FSTL4: variants seen among roughly 807,000 people sequenced by gnomAD.
The protein encoded by FSTL4 is follistatin-related protein 4.
FSTL4 carries 28 observed loss-of-function variants against 78.2 expected under a neutral mutation model. The ratio of observed to expected loss-of-function variants is 0.36; its 90% CI spans 0.27 to 0.49. The LOEUF (loss-of-function observed/expected upper bound fraction) is 0.49, where lower values mean the gene tolerates loss of function less well. FSTL4 is among the 20% of genes least tolerant of loss of function. The pLI is 0.98. For missense variants in FSTL4, 922 were observed against 1,084.9 expected (o/e 0.85, Z 2.11); for synonymous variants, 422 against 440.5 (o/e 0.96, Z 0.53).
chr5:133,737,516 A>C, the FSTL4 span, among the ~76,000 whole-genome samples: 2 of 151,998 alleles, frequency 1.3e-5, no homozygotes, highest in African/African-American at 4.8e-5. Flanking sequence ...GTTGATGGAC[A>C]CTTAGGCTGC....
chr5:133,454,917 G>C (rs1046786228), intron 3 of FSTL4, among the ~76,000 whole-genome samples: 1 of 152,208 alleles, frequency 6.6e-6, no homozygotes, highest in African/African-American at 2.4e-5. Context: ...TTTCATTTTA[G>C]AGTTTTCTCT....
the FSTL4 span, among the ~76,000 whole-genome samples, chr5:133,752,989 T>C: frequency 6.6e-6 from 1 of 152,216 alleles, no homozygotes; most frequent in East Asian, 1.9e-4. Flanking sequence ...TCTCATACTA[T>C]TTTGATTCTA....
intron 6 of FSTL4, among the ~76,000 whole-genome samples, chr5:133,251,341 A>G (rs1284617263): frequency 3.3e-5 from 5 of 152,142 alleles, no homozygotes; most frequent in Non-Finnish European, 7.4e-5. Context: ...CTGGGCCACG[A>G]GGCTTTGTGC....
At chr5:133,336,514 G>A (rs1015641123) in intron 4 of FSTL4, among the ~76,000 whole-genome samples, 1 of 152,256 alleles carries the variant, frequency 6.6e-6, no homozygotes, top group Non-Finnish European at 1.5e-5. Context: ...GCTGAGAGCT[G>A]TGTGAATGCT....
At chr5:133,364,164 T>C (rs564502175) in intron 4 of FSTL4, among the ~76,000 whole-genome samples, 1 of 152,276 alleles carries the variant, frequency 6.6e-6, no homozygotes, top group Admixed American at 6.5e-5. Context: ...AGAGTGCCCA[T>C]GGGGTCAACA....
Position 133,239,976 on chromosome 5 carries a change from G to C in FSTL4, c.895-6439C>G, listed in dbSNP as rs568143199. ...GATAAGAGAATAAAAGCAGACCTCC[G>C]GAGTCAGAAGTGGCAACACGCTGGG... On this transcript the variant is annotated intron_variant, in intron 7 of 15. Transcript: ENST00000265342. 5.9e-4 allele frequency among the ~76,000 whole-genome samples: 90 copies of C among 152,316 alleles called. 1 individual carries two copies. The South Asian group carries it at 0.018, about 31-fold the overall frequency.
intron 4 of FSTL4, among the ~76,000 whole-genome samples, chr5:133,383,298 T>C (rs1417582452): frequency 2.0e-5 from 3 of 152,176 alleles, no homozygotes; most frequent in African/African-American, 7.2e-5. Flanking sequence ...GAGGTTCGCC[T>C]TCTCCTGCCA....
At chr5:133,598,520 T>C (rs1048985286) in intron 2 of FSTL4, among the ~76,000 whole-genome samples, 1 of 152,064 alleles carries the variant, frequency 6.6e-6, no homozygotes, top group East Asian at 1.9e-4. Context: ...AATGTACTGA[T>C]AACGTCTATA....
At chr5:133,640,500 T>G in the FSTL4 span, among the ~76,000 whole-genome samples, 1 of 152,094 alleles carries the variant, frequency 6.6e-6, no homozygotes, top group East Asian at 1.9e-4. Flanking sequence ...GCTCTAATTA[T>G]CCCAGTACAC....
At chr5:133,690,986 G>A in the FSTL4 span, among the ~76,000 whole-genome samples, 255 of 152,274 alleles carry the variant, frequency 1.7e-3, no homozygotes, top group Middle Eastern at 0.01. Context: ...CTAACTAGCG[G>A]GGAGAACTTT....
At chr5:133,365,446 G>T (rs1043921037) in intron 4 of FSTL4, among the ~76,000 whole-genome samples, 3 of 152,154 alleles carry the variant, frequency 2.0e-5, no homozygotes, top group African/African-American at 7.2e-5. Context: ...CTCCCCTCTG[G>T]GGTCTTTCAA....
intron 3 of FSTL4, among the ~76,000 whole-genome samples, chr5:133,437,485 G>GTTTTTTTTTTTTTTTTTTTTT (rs11401684): frequency 1.0e-5 from 1 of 95,384 alleles, no homozygotes. Flanking sequence ...GTAAATAGGT[G>GTTTTTTTTTTTTTTTTTTTTT]TTTTTTTTTT....
At position 133,438,518 on chromosome 5, in the gene FSTL4, A is replaced by C. The variant is rs562512990; in HGVS notation, c.161-37532T>G. 2.0e-5 allele frequency among the ~76,000 whole-genome samples: 3 copies of C among 152,370 alleles called. No individual in the cohort carries two copies. In the East Asian group the frequency reaches 5.8e-4, roughly 29 times the overall value. On this transcript the variant is annotated intron_variant, in intron 3 of 15. Coordinates refer to ENST00000265342, the MANE Select transcript of FSTL4 (RefSeq NM_015082.2). ...TCCCTGAATTTAGGGACACATGTAC[A>C]TGTCGTTAAGATGTAGAGAAATAGA...
At chr5:133,371,800 T>C (rs1240267010) in intron 4 of FSTL4, among the ~76,000 whole-genome samples, 1 of 152,182 alleles carries the variant, frequency 6.6e-6, no homozygotes, top group Admixed American at 6.5e-5. Flanking sequence ...ATGAACACTG[T>C]CTGTTAGAGC....
At chr5:133,826,743 C>T in the FSTL4 span, among the ~76,000 whole-genome samples, 8 of 152,328 alleles carry the variant, frequency 5.3e-5, no homozygotes, top group South Asian at 6.2e-4. Flanking sequence ...GGCTCAGGGA[C>T]GTAGATACAT....
the FSTL4 span, among the ~76,000 whole-genome samples, chr5:133,838,404 G>C: frequency 6.6e-6 from 1 of 152,244 alleles, no homozygotes; most frequent in Non-Finnish European, 1.5e-5. Flanking sequence ...TTCAGGAGCA[G>C]CTCAACTGGA....
At chr5:133,419,319 C>T (rs137945844) in intron 3 of FSTL4, among the ~76,000 whole-genome samples, 331 of 152,236 alleles carry the variant, frequency 2.2e-3, no homozygotes, top group Middle Eastern at 0.01. Context: ...AGGGTTTCAC[C>T]ACATTGGCCA....
At chr5:133,233,062 G>C (rs1025982229) in intron 8 of FSTL4, among the ~76,000 whole-genome samples, 1 of 152,196 alleles carries the variant, frequency 6.6e-6, no homozygotes, top group Non-Finnish European at 1.5e-5. Flanking sequence ...GTTTCTGCTC[G>C]CACTAGACCC....
intron 6 of FSTL4, among the ~76,000 whole-genome samples, chr5:133,253,815 G>T (rs1321951870): frequency 6.6e-6 from 1 of 152,176 alleles, no homozygotes; most frequent in Non-Finnish European, 1.5e-5. Context: ...ATAGAATCCA[G>T]AAGAGTCCCC....
Sources: gnomAD v4.1 joint callset for allele counts (sites outside exome capture counted in the v4.1 genomes callset) on GRCh38, gnomAD v4.1.1 for gene constraint, MANE v1.5 for transcripts, NCBI Gene and HGNC (gene_info 2026-07-23, HGNC 2026-07-21) for gene names.